Variants in MAGI2 observed in about 807,000 individuals in gnomAD.
MAGI2 encodes membrane associated guanylate kinase, WW and PDZ domain containing 2.
In MAGI2, 35 loss-of-function variants were observed where a neutral mutation model predicts 133.3. The ratio of observed to expected loss-of-function variants is 0.26; its 90% CI spans 0.20 to 0.35. The LOEUF (loss-of-function observed/expected upper bound fraction) is 0.35. Ranked by LOEUF, MAGI2 falls within the 10% of genes least tolerant of loss-of-function variation. The pLI is 1.00. For missense variants in MAGI2, 1,636 were observed against 1,863.4 expected, an observed-to-expected ratio of 0.88 and a Z score of 2.25; for synonymous variants, 729 against 710.6, an observed-to-expected ratio of 1.03 and a Z score of -0.41.
intron 1 of MAGI2, among the ~76,000 whole-genome samples, chr7:79,383,824 T>C (rs1355074873): frequency 1.3e-5 from 2 of 151,418 alleles, no homozygotes; most frequent in East Asian, 1.9e-4. Flanking sequence ...TTCGCTAACA[T>C]GATACAGCAA....
intron 2 of MAGI2, among the ~76,000 whole-genome samples, chr7:78,671,096 AT>A (rs1441377055): frequency 6.6e-6 from 1 of 152,094 alleles, no homozygotes; most frequent in Non-Finnish European, 1.5e-5. Context: ...GAGTAAGATT[AT>A]CAAACCTATG....
rs377228658 is a variant in MAGI2 at position 79,347,496 on chromosome 7, A to T, written c.301+105524T>A. ...TGTCTGCACAGCTTCATTGACATTG[A>T]GAGATCAGTTTTGCTTATATTTTTA... On this transcript the variant is annotated intron_variant, in intron 1 of 21. Coordinates refer to ENST00000354212, the MANE Select transcript of MAGI2 (RefSeq NM_012301.4). Among the ~76,000 whole-genome samples, 34 of 151,744 alleles carry T rather than the reference A, an allele frequency of 2.2e-4. 1 individual carries two copies. The South Asian group carries it at 7.1e-3, about 32-fold the overall frequency.
At chr7:78,985,267 T>C (rs114978251) in intron 2 of MAGI2, among the ~76,000 whole-genome samples, 2,275 of 152,178 alleles carry the variant, frequency 0.015, 47 homozygotes, top group African/African-American at 0.053. Flanking sequence ...AATCACACTA[T>C]ACTCATGGTT....
chr7:78,768,816 C>T (rs1431945293), intron 2 of MAGI2, among the ~76,000 whole-genome samples: 4 of 152,106 alleles, frequency 2.6e-5, no homozygotes, highest in Non-Finnish European at 5.9e-5. Context: ...CCTCATGCTC[C>T]CCTCTCTAGT....
intron 3 of MAGI2, among the ~76,000 whole-genome samples, chr7:78,620,442 C>T (rs1399614535): frequency 6.6e-5 from 10 of 151,860 alleles, no homozygotes; most frequent in Non-Finnish European, 1.5e-4. Context: ...AGCTTAATTG[C>T]CTAGAAAATT....
At chr7:78,412,796 T>G (rs1352175707) in intron 6 of MAGI2, among the ~76,000 whole-genome samples, 1 of 152,126 alleles carries the variant, frequency 6.6e-6, no homozygotes, top group Non-Finnish European at 1.5e-5. Context: ...CTTTTAAACC[T>G]AAATTGTTTT....
intron 2 of MAGI2, among the ~76,000 whole-genome samples, chr7:78,635,178 C>T (rs984368623): frequency 1.3e-5 from 2 of 152,176 alleles, no homozygotes; most frequent in African/African-American, 2.4e-5. Context: ...CTTATTGATA[C>T]ACAGTGAAGT....
chr7:78,788,267 A>G (rs968663551), intron 2 of MAGI2, among the ~76,000 whole-genome samples: 3 of 152,206 alleles, frequency 2.0e-5, no homozygotes, highest in African/African-American at 7.2e-5. Flanking sequence ...TATATACTGA[A>G]AAAGAATTTC....
intron 2 of MAGI2, among the ~76,000 whole-genome samples, chr7:78,929,713 T>A (rs1284173443): frequency 3.3e-5 from 5 of 152,064 alleles, no homozygotes; most frequent in Non-Finnish European, 5.9e-5. Context: ...CTCACCCAGA[T>A]AACCTCTGAT....
chr7:78,943,862 C>T (rs1314918058), intron 2 of MAGI2, among the ~76,000 whole-genome samples: 5 of 152,238 alleles, frequency 3.3e-5, no homozygotes, highest in Middle Eastern at 3.4e-3. Flanking sequence ...ATTCATTCAA[C>T]AAATATTAAC....
intron 6 of MAGI2, among the ~76,000 whole-genome samples, chr7:78,481,095 C>G (rs1792322334): frequency 1.3e-5 from 2 of 151,878 alleles, no homozygotes. Context: ...TGGCAAAAGA[C>G]CTAAAATATC....
intron 2 of MAGI2, among the ~76,000 whole-genome samples, chr7:78,906,988 C>G (rs375895590): frequency 6.6e-6 from 1 of 152,130 alleles, no homozygotes; most frequent in Non-Finnish European, 1.5e-5. Context: ...TCCAGCCGAC[C>G]TTTGATCTCA....
intron 2 of MAGI2, among the ~76,000 whole-genome samples, chr7:78,628,932 G>GAA (rs928337717): frequency 2.6e-5 from 4 of 151,318 alleles, no homozygotes; most frequent in Non-Finnish European, 5.9e-5. Flanking sequence ...CAATCATTAA[G>GAA]AAAAAAATCA....
chr7:78,344,369 G>C lies in MAGI2; in HGVS notation c.1226-409C>G, dbSNP rs373645434. Among the ~76,000 whole-genome samples, 5 of 152,316 alleles carry C rather than the reference G, an allele frequency of 3.3e-5. No individual in the cohort carries two copies. The East Asian group carries it at 5.8e-4, about 18-fold the overall frequency. On this transcript the variant is annotated intron_variant, in intron 8 of 21. Transcript: ENST00000354212. ...GTGAAAGATTCCAGGTAGGAGGTAT[G>C]TGTCAGTGGCCGATCCTAAACTAAG...
At chr7:78,726,305 C>T (rs1348375511) in intron 2 of MAGI2, among the ~76,000 whole-genome samples, 1 of 152,118 alleles carries the variant, frequency 6.6e-6, no homozygotes, top group Non-Finnish European at 1.5e-5. Context: ...TAAATGTTAT[C>T]AAAGGTTTGG....
intron 1 of MAGI2, among the ~76,000 whole-genome samples, chr7:79,049,870 C>T (rs986178150): frequency 2.0e-5 from 3 of 151,504 alleles, no homozygotes; most frequent in Admixed American, 2.0e-4. Context: ...TTATTCCTTA[C>T]TCATATTTTA....
intron 6 of MAGI2, among the ~76,000 whole-genome samples, chr7:78,423,527 G>A (rs1331278273): frequency 6.6e-6 from 1 of 152,198 alleles, no homozygotes; most frequent in East Asian, 1.9e-4. Context: ...AGCAACTTTG[G>A]AATTGGATAA....
intron 1 of MAGI2, among the ~76,000 whole-genome samples, chr7:79,146,105 C>A (rs1208425988): frequency 6.6e-6 from 1 of 151,988 alleles, no homozygotes; most frequent in Admixed American, 6.6e-5. Context: ...TCTGTTCATG[C>A]TCTACAATCC....
intron 5 of MAGI2, among the ~76,000 whole-genome samples, chr7:78,491,580 G>C (rs545225659): frequency 6.6e-6 from 1 of 152,154 alleles, no homozygotes; most frequent in African/African-American, 2.4e-5. Context: ...CAACAGGAGA[G>C]CATGCCAGCT....
Sources: gnomAD v4.1 joint callset for allele counts (sites outside exome capture counted in the v4.1 genomes callset) on GRCh38, gnomAD v4.1.1 for gene constraint, MANE v1.5 for transcripts, NCBI Gene and HGNC (gene_info 2026-07-23, HGNC 2026-07-21) for gene names.